The following RPRD1A variants were observed in gnomAD, a reference collection of about 807,000 sequenced individuals.
The protein encoded by RPRD1A is regulation of nuclear pre-mRNA domain-containing protein 1A.
A neutral mutation model predicts 37.8 loss-of-function variants in RPRD1A; 9 were observed. That is an observed-to-expected ratio of 0.24 (90% CI 0.14 to 0.42). The LOEUF is 0.42. Among genes scored for constraint, RPRD1A ranks in the 10% least tolerant of loss-of-function variants. The pLI is 1.00. For missense variants in RPRD1A, 255 were observed against 371.0 expected, an observed-to-expected ratio of 0.69 and a Z score of 2.57; for synonymous variants, 138 against 139.7, an observed-to-expected ratio of 0.99 and a Z score of 0.08.
At chr18:36,058,339 G>A (rs1237998213) in intron 1 of RPRD1A, among the ~76,000 whole-genome samples, 1 of 152,034 alleles carries the variant, frequency 6.6e-6, no homozygotes, top group African/African-American at 2.4e-5. Flanking sequence ...GAGCCACTGC[G>A]CCCGGCCAGA....
Position 36,026,992 on chromosome 18 carries a change from C to G in RPRD1A, c.697G>C (p.Glu233Gln), listed in dbSNP as rs1911414991. 1 of 1,613,908 alleles carries G rather than the reference C, an allele frequency of 6.2e-7. No homozygotes were observed. Among genetic ancestry groups the G allele is most frequent in the South Asian group, 1.1e-5 (1 of 91,072 alleles). The change falls in exon 6 of 7, where the codon GAA becomes CAA. Residue 233 changes from glutamate (E) to glutamine (Q), a missense_variant. Transcript: ENST00000399022. ...LADYNGRLAA[E>Q]IDDRKQLTRM... The stretch of plus-strand genomic sequence containing the variant: ...GTGAGTTGCTTTCTATCATCTATTT[C>G]TGCCGCCAATCTGCCATTGTAATCT...
At chr18:36,067,214 C>G in intron 1 of RPRD1A, 40 bp downstream of exon 1, 1 of 1,524,608 alleles carries the variant, frequency 6.6e-7, no homozygotes, top group South Asian at 1.2e-5. Flanking sequence ...TGGAGGCCGG[C>G]CGGGTGGTGG....
intron 6 of RPRD1A, among the ~76,000 whole-genome samples, chr18:35,993,774 C>A (rs1908853046): frequency 6.6e-6 from 1 of 152,110 alleles, no homozygotes; most frequent in African/African-American, 2.4e-5. Context: ...AATACAGGAT[C>A]ACTCTCCCTG....
At chr18:36,054,981 G>C (rs1376189674) in intron 1 of RPRD1A, among the ~76,000 whole-genome samples, 1 of 152,162 alleles carries the variant, frequency 6.6e-6, no homozygotes, top group Non-Finnish European at 1.5e-5. Context: ...ACTTACACTA[G>C]GGAGGGCATC....
chr18:36,031,186 A>C, intron 2 of RPRD1A, 89 bp from the exon 3 acceptor site: 1 of 1,384,266 alleles, frequency 7.2e-7, no homozygotes, highest in Non-Finnish European at 9.4e-7. Flanking sequence ...TTTAAATATA[A>C]TCAGACATTC....
intron 4 of RPRD1A, 94 bp downstream of exon 4, chr18:36,030,714 G>T: frequency 2.8e-6 from 2 of 719,084 alleles, no homozygotes; most frequent in Non-Finnish European, 2.4e-6. Flanking sequence ...AAGTATAATA[G>T]AAATCAATTT....
chr18:36,015,179 C>CATATAT (rs1568122106), intron 6 of RPRD1A, among the ~76,000 whole-genome samples: 3 of 132,036 alleles, frequency 2.3e-5, no homozygotes, highest in African/African-American at 1.1e-4. Context: ...TATATACACA[C>CATATAT]ACACACACAC....
chr18:36,060,350 A>G (rs2088882392), intron 1 of RPRD1A, among the ~76,000 whole-genome samples: 1 of 151,942 alleles, frequency 6.6e-6, no homozygotes, highest in South Asian at 2.1e-4. Context: ...GGAGAATGGC[A>G]TGAACCCGGG....
intron 1 of RPRD1A, among the ~76,000 whole-genome samples, chr18:36,050,285 G>A (rs1246261190): frequency 1.3e-5 from 2 of 151,514 alleles, no homozygotes; most frequent in East Asian, 3.9e-4. Flanking sequence ...TCACCCAGGC[G>A]GGAGTGCAGT....
intron 1 of RPRD1A, among the ~76,000 whole-genome samples, chr18:36,037,389 T>C (rs1912269387): frequency 6.6e-6 from 1 of 152,212 alleles, no homozygotes. Context: ...TACTTCTTCC[T>C]GCCACCATGT....
rs534763725 is a variant in RPRD1A, at chr18:36,053,987, G to A, written c.151+13267C>T. On this transcript the variant is annotated intron_variant, in intron 1 of 6. Coordinates refer to ENST00000399022, the MANE Select transcript of RPRD1A (RefSeq NM_018170.5). The stretch of plus-strand genomic sequence containing the variant: ...TGAAATAGGAAAGGCAGAGCAACAG[G>A]GAAGAGGAATGGGAATGGGGGAAGA... 1.5e-4 allele frequency among the ~76,000 whole-genome samples: 23 copies of A among 152,244 alleles called. 1 individual carries two copies. In the South Asian group the frequency reaches 3.9e-3, roughly 26 times the overall value.
At chr18:36,037,073 C>T (rs1332339419) in intron 1 of RPRD1A, among the ~76,000 whole-genome samples, 3 of 152,310 alleles carry the variant, frequency 2.0e-5, no homozygotes, top group African/African-American at 7.2e-5. Context: ...TTTGCAAGTT[C>T]CATACAAATT....
At chr18:36,018,995 C>T (rs1910797890) in intron 6 of RPRD1A, among the ~76,000 whole-genome samples, 1 of 151,496 alleles carries the variant, frequency 6.6e-6, no homozygotes, top group South Asian at 2.1e-4. Context: ...GATTTTAGAA[C>T]ATGCTTGATA....
chr18:36,002,448 C>G (rs1043735621), intron 6 of RPRD1A, among the ~76,000 whole-genome samples: 3 of 152,170 alleles, frequency 2.0e-5, no homozygotes, highest in Non-Finnish European at 4.4e-5. Context: ...CTCACTCTGT[C>G]ACCCAGGCTG....
intron 6 of RPRD1A, among the ~76,000 whole-genome samples, chr18:35,995,652 A>G (rs569548445): frequency 8.5e-5 from 13 of 152,338 alleles, no homozygotes; most frequent in African/African-American, 3.1e-4. Flanking sequence ...AGCATTTCAT[A>G]TCTGAAAAGT....
chr18:36,019,242 G>A (rs894555700), intron 6 of RPRD1A, among the ~76,000 whole-genome samples: 2 of 151,728 alleles, frequency 1.3e-5, no homozygotes, highest in African/African-American at 2.4e-5. Context: ...CGAGCAGCCG[G>A]GACTACAGGA....
At chr18:36,045,055 C>T (rs780163963) in intron 1 of RPRD1A, among the ~76,000 whole-genome samples, 15 of 151,934 alleles carry the variant, frequency 9.9e-5, no homozygotes, top group African/African-American at 2.2e-4. Flanking sequence ...GCCTGGGCAA[C>T]GTGAAGAAAC....
At position 35,998,151 on chromosome 18, in the gene RPRD1A, G is replaced by T. The variant is rs1391615380; in HGVS notation, c.790-4851C>A. On this transcript the variant is annotated intron_variant, in intron 6 of 6. Transcript: ENST00000399022. ...AGGCGGGCGGATCACCTGAGGTCACGAGTTCAAGACCAGCCTGGCCAACAT... is the reference window on the plus strand; with the variant it reads ...AGGCGGGCGGATCACCTGAGGTCACTAGTTCAAGACCAGCCTGGCCAACAT... 3.9e-5 allele frequency among the ~76,000 whole-genome samples: 6 copies of T among 152,240 alleles called. No individual in the cohort carries two copies. In the South Asian group the frequency reaches 1.2e-3, roughly 32 times the overall value.
In RPRD1A at chr18:35,991,968, T is replaced by C. The variant is rs1201985876; in HGVS notation, c.*1183A>G. The C allele has an allele frequency of 6.6e-6, 1 of 152,652 alleles. No individual in the cohort carries two copies. Among genetic ancestry groups the C allele is most frequent in the South Asian group, 2.1e-4 (1 of 4,836 alleles). The allele number at this position is 152,652 out of a possible 1,614,324, so 9.5% of individuals were successfully genotyped here. A position where few individuals can be genotyped will look rare whatever the true frequency, so the allele number is the denominator to read the frequency against. On this transcript the variant is annotated 3_prime_UTR_variant, in exon 7 of 7. Coordinates refer to ENST00000399022, the MANE Select transcript of RPRD1A (RefSeq NM_018170.5). ...AATAAATGTTTATCCTAAGTCATTA[T>C]TGAGTACAAATCCACAGCTTAACAA...
Sources: gnomAD v4.1 joint callset for allele counts (sites outside exome capture counted in the v4.1 genomes callset) on GRCh38, gnomAD v4.1.1 for gene constraint, MANE v1.5 for transcripts, NCBI Gene and HGNC (gene_info 2026-07-23, HGNC 2026-07-21) for gene names.